The following SCNN1B variants were observed in gnomAD, a reference collection of about 807,000 sequenced individuals.
The protein encoded by SCNN1B is epithelial sodium channel subunit beta.
Under a neutral mutation model 65.3 loss-of-function variants are expected in SCNN1B, and 46 were observed. The observed-to-expected ratio is 0.70, with a 90% CI of 0.56 to 0.90. The LOEUF is 0.90. SCNN1B is among the 40% of genes least tolerant of loss of function. SCNN1B has a pLI of 0.00. For missense variants in SCNN1B, 751 were observed against 830.5 expected (o/e 0.90, Z 1.18); for synonymous variants, 349 against 330.6 (o/e 1.06, Z -0.60).
intron 2 of SCNN1B, among the ~76,000 whole-genome samples, chr16:23,295,606 C>T (rs1048183770): frequency 2.0e-5 from 3 of 152,158 alleles, no homozygotes; most frequent in African/African-American, 7.2e-5. Context: ...CCCACCTCAG[C>T]CTCATAAAGT....
upstream of SCNN1B, among the ~76,000 whole-genome samples, chr16:23,299,615 G>A (rs2141974326): frequency 6.6e-6 from 1 of 152,320 alleles, no homozygotes; most frequent in East Asian, 1.9e-4. Context: ...GGTCATTACA[G>A]AAATGCAAAT....
chr16:23,356,405 G>A (rs772116780), intron 4 of SCNN1B, among the ~76,000 whole-genome samples: 7 of 152,028 alleles, frequency 4.6e-5, no homozygotes, highest in African/African-American at 1.4e-4. Context: ...CAGGAGGATC[G>A]CTTGAGGCCA....
chr16:23,360,225 T>TAAATAAAC (rs748501690), intron 4 of SCNN1B, among the ~76,000 whole-genome samples: 4 of 150,022 alleles, frequency 2.7e-5, no homozygotes, highest in African/African-American at 9.9e-5. Flanking sequence ...AATAAATAAA[T>TAAATAAAC]AAACAAATAA....
In SCNN1B at chr16:23,348,608, G is replaced by A; in HGVS notation, c.9G>A (p.Val3=). 1 of 1,612,894 alleles carries A rather than the reference G, an allele frequency of 6.2e-7. No individual in the cohort carries two copies. Among genetic ancestry groups the A allele is most frequent in the Non-Finnish European group, 8.5e-7 (1 of 1,179,896 alleles). The part of the protein sequence containing the change: MH[V]KKYLLKGLHR... ...TCTCTGCAGGTGCCACTATGCACGT[G>A]AAGAAGTACCTGCTGAAGGGCCTGC... Residue 3 remains valine, a synonymous_variant, in exon 2 of 13, where the codon GTG becomes GTA. Transcript: ENST00000343070. The surrounding 1 kb of genome is among the most constrained non-coding windows in gnomAD (Gnocchi z 4.5).
chr16:23,288,590 G>C (rs1205819158), intron 2 of SCNN1B, among the ~76,000 whole-genome samples: 1 of 152,258 alleles, frequency 6.6e-6, no homozygotes. Context: ...GATTGCTTGA[G>C]CCCAGCAGTT....
rs141692689 is a variant in SCNN1B, at chr16:23,303,391, C to A, written c.-9+954C>A. 1.7e-3 allele frequency among the ~76,000 whole-genome samples: 256 copies of A among 152,198 alleles called. 1 individual carries two copies. The highest frequency in any genetic ancestry group is 5.9e-3 in the African/African-American group (246 of 41,504). On this transcript the variant is annotated intron_variant, in intron 1 of 12. Transcript: ENST00000343070. ...CTGAAAGCTCCCAGAGACCTGAGCA[C>A]CCCTGTCTCAGATCCCAGCATCCGT... is the stretch of plus-strand genomic sequence containing the variant.
Position 23,348,344 on chromosome 16 carries a change from C to T in SCNN1B, c.-8-248C>T, listed in dbSNP as rs1962230110. On this transcript the variant is annotated intron_variant, in intron 1 of 12. Transcript: ENST00000343070. This position sits in a 1 kb window ranked among gnomAD's most constrained non-coding sequence, Gnocchi z 4.5. ...TTTTGCTCATTGAGTCCAGAAGGAC[C>T]ATTTGAGTGCCTGGCATATAGTAGG... Among the ~76,000 whole-genome samples the T allele has an allele frequency of 6.6e-6, 1 of 151,848 alleles. No individual in the cohort carries two copies. Among genetic ancestry groups the T allele is most frequent in the South Asian group, 2.1e-4 (1 of 4,820 alleles).
chr16:23,290,531 C>T (rs1403480449), intron 2 of SCNN1B, among the ~76,000 whole-genome samples: 5 of 152,264 alleles, frequency 3.3e-5, no homozygotes, highest in East Asian at 3.9e-4. Context: ...TGTTCTCAAA[C>T]GCCTGGACTC....
chr16:23,343,597 AAGAAAGAAAG>A (rs2142011560), intron 1 of SCNN1B, among the ~76,000 whole-genome samples: 1 of 101,028 alleles, frequency 9.9e-6, no homozygotes, highest in African/African-American at 3.9e-5. Context: ...GAAAGAAAGA[AAGAAAGAAAG>A]AAAGAAAGAA....
chr16:23,360,107 G>T (rs895930255), intron 4 of SCNN1B, among the ~76,000 whole-genome samples: 1 of 152,072 alleles, frequency 6.6e-6, no homozygotes, highest in African/African-American at 2.4e-5. Context: ...GGAGGCTGAG[G>T]TAGGAGGCTG....
chr16:23,339,711 G>A (rs763571493), intron 1 of SCNN1B, among the ~76,000 whole-genome samples: 3 of 151,948 alleles, frequency 2.0e-5, no homozygotes, highest in Non-Finnish European at 4.4e-5. Flanking sequence ...GATTACAGGC[G>A]TGTGGCACCA....
At chr16:23,349,093 CT>C (rs1440708401) in intron 2 of SCNN1B, among the ~76,000 whole-genome samples, 183 bp downstream of exon 2, 1 of 149,882 alleles carries the variant, frequency 6.7e-6, no homozygotes, top group Non-Finnish European at 1.5e-5. Context: ...TCTTCCCTTT[CT>C]TTTTTCTTTT....
chr16:23,292,995 A>G (rs899858252), intron 2 of SCNN1B, among the ~76,000 whole-genome samples: 1 of 151,322 alleles, frequency 6.6e-6, no homozygotes, highest in African/African-American at 2.4e-5. Flanking sequence ...GGTGCCTGTA[A>G]TCCCAGGTAC....
intron 1 of SCNN1B, among the ~76,000 whole-genome samples, chr16:23,283,139 A>G (rs140827422): frequency 6.6e-6 from 1 of 152,366 alleles, no homozygotes; most frequent in Non-Finnish European, 1.5e-5. Flanking sequence ...AGCTGGGCAC[A>G]GTGGCTCACG....
intron 10 of SCNN1B, 56 bp downstream of exon 10, chr16:23,377,442 G>A (rs1962924839): frequency 6.4e-7 from 1 of 1,571,192 alleles, no homozygotes; most frequent in South Asian, 1.1e-5. Context: ...GGACAAGTCT[G>A]GGCATAAGAT....
chr16:23,328,034 C>T (rs1020046235), intron 1 of SCNN1B, among the ~76,000 whole-genome samples: 7 of 152,124 alleles, frequency 4.6e-5, no homozygotes, highest in African/African-American at 1.2e-4. Context: ...GTAAGGAAGC[C>T]GCCAAGCATG....
In SCNN1B at chr16:23,333,581, G is replaced by T. The variant is rs183619502; in HGVS notation, c.-8-15011G>T. ...CATTTATGAACACTTACTTTGCGAC[G>T]GGCACTGTGCAAACTGCTTCCCATG... On this transcript the variant is annotated intron_variant, in intron 1 of 12. Coordinates refer to ENST00000343070, the MANE Select transcript of SCNN1B (RefSeq NM_000336.3). Among the ~76,000 whole-genome samples, 4 of 152,248 alleles carry T rather than the reference G, an allele frequency of 2.6e-5. 1 individual carries two copies. The highest frequency in any genetic ancestry group is 2.6e-4 in the Admixed American group (4 of 15,286).
chr16:23,373,873 C>T (rs1171980306), intron 7 of SCNN1B, among the ~76,000 whole-genome samples: 2 of 152,168 alleles, frequency 1.3e-5, no homozygotes, highest in African/African-American at 2.4e-5. Context: ...GTGGGAAACA[C>T]GGAGAAGAAG....
chr16:23,317,953 G>C (rs1003572380), intron 1 of SCNN1B, among the ~76,000 whole-genome samples: 3 of 152,352 alleles, frequency 2.0e-5, no homozygotes, highest in Middle Eastern at 3.4e-3. Context: ...TGCCCTGCCA[G>C]CCTCCTTCTT....
Sources: allele counts gnomAD v4.1 joint callset (sites outside exome capture counted in the v4.1 genomes callset), GRCh38; gene constraint gnomAD v4.1.1; non-coding constraint Gnocchi (gnomAD v3.1); transcripts MANE v1.5; gene names NCBI Gene and HGNC (gene_info 2026-07-23, HGNC 2026-07-21).